CLEC2A: variants seen among roughly 807,000 people sequenced by gnomAD.
CLEC2A encodes C-type lectin domain family 2 member A, also known as keratinocyte-associated C-type lectin.
CLEC2A carries 19 observed loss-of-function variants against 18.6 expected under a neutral mutation model. The ratio of observed to expected loss-of-function variants is 1.02; its 90% CI spans 0.71 to 1.50. The LOEUF (loss-of-function observed/expected upper bound fraction) is 1.50, where lower values mean the gene tolerates loss of function less well. CLEC2A is among the 40% of genes most tolerant of loss of function. The probability of loss-of-function intolerance (pLI) is 0.00; values close to 1 mark genes in which losing one functional copy is unlikely to be tolerated. For synonymous variants in CLEC2A, 74 were observed against 64.0 expected (o/e 1.16, Z -0.75); for missense variants, 190 against 207.9 (o/e 0.91, Z 0.53).
At chr12:9,881,649 G>C in the CLEC2A span, 2 of 1,535,174 alleles carry the variant, frequency 1.3e-6, no homozygotes, top group South Asian at 2.4e-5. Context: ...GTTGTAAATC[G>C]AAGCAGAAAT....
At chr12:9,889,777 G>A in the CLEC2A span, among the ~76,000 whole-genome samples, 1 of 151,988 alleles carries the variant, frequency 6.6e-6, no homozygotes, top group African/African-American at 2.4e-5. Flanking sequence ...GTATAGTGCA[G>A]TGGATAAGAA....
At chr12:9,902,636 T>A (rs1489662886) in intron 4 of CLEC2A, among the ~76,000 whole-genome samples, 2 of 144,634 alleles carry the variant, frequency 1.4e-5, no homozygotes, top group African/African-American at 5.3e-5. Context: ...TTGCAATAAA[T>A]CTTGAAAGAA....
chr12:9,904,681 A>G (rs1372371930), intron 4 of CLEC2A, among the ~76,000 whole-genome samples: 2 of 152,158 alleles, frequency 1.3e-5, no homozygotes, highest in Non-Finnish European at 2.9e-5. Flanking sequence ...CTCGTCCTGT[A>G]ACATTTGCTC....
At chr12:9,931,377 T>G (rs1162518951) in intron 1 of CLEC2A, among the ~76,000 whole-genome samples, 1 of 152,180 alleles carries the variant, frequency 6.6e-6, no homozygotes, top group Non-Finnish European at 1.5e-5. Flanking sequence ...CGAAGTAAAT[T>G]TAACCTTACC....
At chr12:9,885,390 C>A in the CLEC2A span, among the ~76,000 whole-genome samples, 2 of 151,644 alleles carry the variant, frequency 1.3e-5, no homozygotes, top group African/African-American at 2.4e-5. Context: ...GACTTCCAGA[C>A]TTTTTTCTTC....
chr12:9,929,471 T>A (rs942683330), intron 1 of CLEC2A, among the ~76,000 whole-genome samples: 1 of 152,168 alleles, frequency 6.6e-6, no homozygotes, highest in Non-Finnish European at 1.5e-5. Flanking sequence ...CAGGGACTTA[T>A]CTCAGATAGA....
At chr12:9,910,674 C>T (rs1210213713), downstream of CLEC2A, among the ~76,000 whole-genome samples, 6 of 152,168 alleles carry the variant, frequency 3.9e-5, no homozygotes, top group Non-Finnish European at 7.3e-5. Flanking sequence ...CTTTATTGCC[C>T]CTGCAACATT....
At chr12:9,900,021 T>A (rs1862803656) in intron 4 of CLEC2A, among the ~76,000 whole-genome samples, 1 of 152,160 alleles carries the variant, frequency 6.6e-6, no homozygotes, top group Non-Finnish European at 1.5e-5. Flanking sequence ...CCTCCTCCAA[T>A]AAGGGAGAGG....
At chr12:9,930,663 T>A (rs944263999) in intron 1 of CLEC2A, among the ~76,000 whole-genome samples, 2 of 152,072 alleles carry the variant, frequency 1.3e-5, no homozygotes, top group African/African-American at 4.8e-5. Flanking sequence ...AAGTTTCAGT[T>A]TGAGGTATTT....
the CLEC2A span, among the ~76,000 whole-genome samples, chr12:9,890,410 T>G: frequency 6.6e-6 from 1 of 152,178 alleles, no homozygotes; most frequent in Non-Finnish European, 1.5e-5. Context: ...AGGTTCCTCT[T>G]CCAAGCTCTC....
chr12:9,931,577 T>C (rs1361884532), intron 1 of CLEC2A, among the ~76,000 whole-genome samples: 1 of 152,204 alleles, frequency 6.6e-6, no homozygotes, highest in Admixed American at 6.5e-5. Context: ...TCAGGCTTAC[T>C]TATTATTAAA....
At chr12:9,905,430 G>T (rs1862893086) in intron 4 of CLEC2A, among the ~76,000 whole-genome samples, 1 of 152,216 alleles carries the variant, frequency 6.6e-6, no homozygotes, top group African/African-American at 2.4e-5. Context: ...GAAAGTGGAA[G>T]ACAGTCCACG....
chr12:9,909,709 A>G (rs1185627309), downstream of CLEC2A, among the ~76,000 whole-genome samples: 1 of 152,174 alleles, frequency 6.6e-6, no homozygotes, highest in Non-Finnish European at 1.5e-5. Context: ...ACATTGCTCT[A>G]CCTCACGTTG....
downstream of CLEC2A, among the ~76,000 whole-genome samples, chr12:9,912,156 G>A (rs2137030495): frequency 6.6e-6 from 1 of 152,292 alleles, no homozygotes; most frequent in South Asian, 2.1e-4. Flanking sequence ...TAAAATGCCT[G>A]GGGAAGAACC....
At chr12:9,899,956 T>C (rs1862802869) in intron 4 of CLEC2A, among the ~76,000 whole-genome samples, 1 of 151,888 alleles carries the variant, frequency 6.6e-6, no homozygotes. Context: ...CTCAGAGGAG[T>C]TGCATGGACT....
chr12:9,886,209 C>T, the CLEC2A span, among the ~76,000 whole-genome samples: 7 of 151,928 alleles, frequency 4.6e-5, no homozygotes, highest in African/African-American at 1.7e-4. Flanking sequence ...GTAACAATTA[C>T]AATATGTGTG....
the CLEC2A span, among the ~76,000 whole-genome samples, chr12:9,890,264 GT>G: frequency 2.0e-5 from 3 of 152,290 alleles, no homozygotes; most frequent in South Asian, 6.2e-4. Context: ...ACAGTTGGCA[GT>G]TTTACAACAT....
chr12:9,881,886 G>A, the CLEC2A span, among the ~76,000 whole-genome samples: 1 of 152,222 alleles, frequency 6.6e-6, no homozygotes, highest in African/African-American at 2.4e-5. Flanking sequence ...ATGACGATGT[G>A]TAATCCTGTG....
the CLEC2A span, chr12:9,884,828 T>G: frequency 2.5e-6 from 1 of 401,826 alleles, no homozygotes; most frequent in Non-Finnish European, 4.4e-6. Flanking sequence ...TCATAAATTC[T>G]AATGACATAT....
Sources: allele counts gnomAD v4.1 joint callset (sites outside exome capture counted in the v4.1 genomes callset), GRCh38; gene constraint gnomAD v4.1.1; transcripts MANE v1.5; gene names NCBI Gene and HGNC (gene_info 2026-07-23, HGNC 2026-07-21).